The following CC2D2A variants were observed in gnomAD, a reference collection of about 807,000 sequenced individuals.
CC2D2A encodes the protein coiled-coil and C2 domain-containing protein 2A.
CC2D2A carries 155 observed loss-of-function variants against 212.9 expected under a neutral mutation model. The ratio of observed to expected loss-of-function variants is 0.73; its 90% CI spans 0.64 to 0.83. The LOEUF (loss-of-function observed/expected upper bound fraction) is 0.83. Among genes scored for constraint, CC2D2A ranks in the 40% least tolerant of loss-of-function variants. The pLI, the probability that CC2D2A is intolerant of heterozygous loss-of-function variation, is 0.00. For synonymous variants in CC2D2A, 667 were observed against 686.5 expected (o/e 0.97, Z 0.44); for missense variants, 1,856 against 1,956.2 (o/e 0.95, Z 0.97).
intron 4 of CC2D2A, among the ~76,000 whole-genome samples, chr4:15,487,817 G>T (rs1315536834): frequency 1.4e-5 from 2 of 142,878 alleles, no homozygotes; most frequent in Non-Finnish European, 3.0e-5. Flanking sequence ...CCTGTCATAG[G>T]TTTTTGCTCT....
At chr4:15,579,137 T>C (rs139519255) in intron 29 of CC2D2A, among the ~76,000 whole-genome samples, 1 of 152,306 alleles carries the variant, frequency 6.6e-6, no homozygotes, top group East Asian at 1.9e-4. Flanking sequence ...ACATTTGTTC[T>C]GTTTCATCTG....
At position 15,528,740 on chromosome 4, in the gene CC2D2A, G is replaced by A; in HGVS notation, c.1466+14G>A. 6.4e-7 allele frequency: 1 copy of A among 1,572,606 alleles called. No homozygotes were observed. The highest frequency in any genetic ancestry group is 1.1e-5 in the South Asian group (1 of 87,660). On this transcript the variant is annotated intron_variant, in intron 13 of 36. Transcript: ENST00000424120. The stretch of plus-strand genomic sequence containing the variant: ...ATCTGAAATTCGGTGAGTAAAGTTT[G>A]TTAAGTGTAACTACTTTTTTTCCCG...
chr4:15,558,033 C>A (rs1189580493), intron 21 of CC2D2A, among the ~76,000 whole-genome samples: 1 of 152,082 alleles, frequency 6.6e-6, no homozygotes, highest in Non-Finnish European at 1.5e-5. Context: ...GCAGGAGGAA[C>A]AAAGACTCAG....
At chr4:15,596,004 T>C (rs1721302649) in intron 33 of CC2D2A, 81 bp from the exon 34 acceptor site, 2 of 993,338 alleles carry the variant, frequency 2.0e-6, no homozygotes, top group African/African-American at 3.4e-5. Context: ...GCTGCCTCTA[T>C]GCCACACATA....
chr4:15,478,834 C>T (rs748252802), intron 3 of CC2D2A, 28 bp downstream of exon 3: 12 of 1,508,296 alleles, frequency 8.0e-6, no homozygotes, highest in African/African-American at 2.8e-5. Context: ...ACTGTGTCTG[C>T]GTATTGTCAT....
At chr4:15,508,082 G>C (rs1022018003) in intron 6 of CC2D2A, among the ~76,000 whole-genome samples, 16 of 152,138 alleles carry the variant, frequency 1.1e-4, no homozygotes, top group African/African-American at 3.9e-4. Context: ...CATATTTTGG[G>C]CCATCTGTTT....
intron 28 of CC2D2A, among the ~76,000 whole-genome samples, chr4:15,571,751 T>A (rs916654829): frequency 2.0e-5 from 3 of 152,186 alleles, no homozygotes; most frequent in Non-Finnish European, 4.4e-5. Context: ...TAATTTACAT[T>A]TCCTTCTCTG....
chr4:15,527,952 C>T (rs892307455), intron 12 of CC2D2A, among the ~76,000 whole-genome samples: 4 of 152,198 alleles, frequency 2.6e-5, no homozygotes, highest in Admixed American at 1.3e-4. Flanking sequence ...TACTTGCTTC[C>T]GTGATCTCAG....
At position 15,480,784 on chromosome 4, in the gene CC2D2A, C is replaced by G; in HGVS notation, c.204C>G (p.Pro68=). 1 of 1,613,418 alleles carries G rather than the reference C, an allele frequency of 6.2e-7. No homozygotes were observed. The highest frequency in any genetic ancestry group is 8.5e-7 in the Non-Finnish European group (1 of 1,179,644). Residue 68 remains proline (P), a synonymous_variant, in exon 4 of 37, where the codon CCC becomes CCG. Coordinates refer to ENST00000424120, the MANE Select transcript of CC2D2A (RefSeq NM_001378615.1). ...CCCAGGAGCCTGTGCAGGAGGAGCC[C>G]AAGACCCGCCTCCTGAGTATGACAG... is the stretch of plus-strand genomic sequence containing the variant. The part of the protein sequence containing the change: ...GNPQEPVQEE[P]KTRLLSMTVR...
Position 15,515,962 on chromosome 4 carries a change from C to T in CC2D2A, c.975C>T (p.Thr325=). 1 of 1,583,576 alleles carries T rather than the reference C, an allele frequency of 6.3e-7. No individual in the cohort carries two copies. The highest frequency in any genetic ancestry group is 8.6e-7 in the Non-Finnish European group (1 of 1,164,514). The change falls in exon 10 of 37, where the codon ACC becomes ACT. Residue 325 remains threonine (T), a synonymous_variant. Coordinates refer to ENST00000424120, the MANE Select transcript of CC2D2A (RefSeq NM_001378615.1). ...YTGVRPEVAR[T]NQNIMENRLL... The stretch of plus-strand genomic sequence containing the variant: ...GGGTAAGACCAGAGGTGGCACGCAC[C>T]AATCAGAACATCATGGAGAACAGAT...
intron 17 of CC2D2A, among the ~76,000 whole-genome samples, chr4:15,549,399 T>C (rs890380376): frequency 2.0e-5 from 3 of 152,186 alleles, no homozygotes; most frequent in Middle Eastern, 3.2e-3. Flanking sequence ...ACCTGTGCAA[T>C]TTCTGCCTTT....
chr4:15,550,893 A>G lies in CC2D2A; in HGVS notation c.2251A>G (p.Thr751Ala), dbSNP rs942868342. The G allele has an allele frequency of 1.9e-6, 3 of 1,607,248 alleles. No homozygotes were observed. Among genetic ancestry groups the G allele is most frequent in the African/African-American group, 1.3e-5 (1 of 74,896 alleles). ...AEVFLPIPET[T>A]VVTGRAPTEE... ...AGTGTTTCTGCCTATTCCTGAGACT[A>G]CTGTTGTCACTGGAAGGGCTCCTAC... is the stretch of plus-strand genomic sequence containing the variant. Residue 751 changes from threonine to alanine, a missense_variant, in exon 18 of 37, where the codon ACT becomes GCT. Thr to Ala is a moderately conservative substitution (Grantham distance 58). This residue lies in a region of CC2D2A where 1,512 missense variants were observed against 1,579.3 expected (regional missense o/e 0.96). Coordinates refer to ENST00000424120, the MANE Select transcript of CC2D2A (RefSeq NM_001378615.1).
At chr4:15,595,073 C>T (rs1290976214) in intron 33 of CC2D2A, among the ~76,000 whole-genome samples, 2 of 152,270 alleles carry the variant, frequency 1.3e-5, no homozygotes, top group Non-Finnish European at 2.9e-5. Context: ...CTTTGGCCTC[C>T]CAAACTGCTG....
intron 4 of CC2D2A, among the ~76,000 whole-genome samples, chr4:15,493,688 T>G (rs545727778): frequency 2.0e-5 from 3 of 152,228 alleles, no homozygotes; most frequent in African/African-American, 7.2e-5. Flanking sequence ...CAGAACTTAT[T>G]TGTGGTCTAT....
intron 36 of CC2D2A, among the ~76,000 whole-genome samples, chr4:15,600,920 A>AG (rs1721564561): frequency 6.6e-6 from 1 of 151,500 alleles, no homozygotes; most frequent in African/African-American, 2.4e-5. Context: ...AAAAAAAAAA[A>AG]AGAAAAAAGA....
chr4:15,595,331 T>C (rs1721272229), intron 33 of CC2D2A, among the ~76,000 whole-genome samples: 1 of 152,178 alleles, frequency 6.6e-6, no homozygotes. Flanking sequence ...ATAAGGCACA[T>C]AGTGAATGTC....
Position 15,570,406 on chromosome 4 carries a change from T to G in CC2D2A, c.3504T>G (p.Arg1168=). 1 of 1,596,588 alleles carries G rather than the reference T, an allele frequency of 6.3e-7. No individual in the cohort carries two copies. The highest frequency in any genetic ancestry group is 8.6e-7 in the Non-Finnish European group (1 of 1,167,888). Reference sequence around the variant, plus strand: ...TCCCACCCTTCCTTTAGGATGACCGTGAAAGAGGAAGTGGAATCCATACTC... The same window carrying G: ...TCCCACCCTTCCTTTAGGATGACCGGGAAAGAGGAAGTGGAATCCATACTC... ...EVLHDVLEDD[R]ERGSGIHTRI... The change falls in exon 28 of 37, where the codon CGT becomes CGG. Residue 1168 remains arginine (R), a synonymous_variant. Coordinates refer to ENST00000424120, the MANE Select transcript of CC2D2A (RefSeq NM_001378615.1).
At position 15,569,374 on chromosome 4, in the gene CC2D2A, G is replaced by A. The variant is rs771914973; in HGVS notation, c.3480G>A (p.Leu1160=). The part of the protein sequence containing the change: ...VVFINIFDEV[L]HDVLEDDRER... ...TCATTAACATTTTTGATGAAGTACT[G>A]CATGATGTCTTAGAGGTAAGTTCTC... is the stretch of plus-strand genomic sequence containing the variant. The change falls in exon 27 of 37, where the codon CTG becomes CTA. Residue 1160 remains leucine (L), a synonymous_variant. Coordinates refer to ENST00000424120, the MANE Select transcript of CC2D2A (RefSeq NM_001378615.1). 3.2e-6 allele frequency: 5 copies of A among 1,565,056 alleles called. No individual in the cohort carries two copies. The highest frequency in any genetic ancestry group is 1.3e-5 in the African/African-American group (1 of 74,194).
chr4:15,510,855 AG>A, intron 7 of CC2D2A, among the ~76,000 whole-genome samples: 1 of 152,340 alleles, frequency 6.6e-6, no homozygotes, highest in African/African-American at 2.4e-5. Context: ...CAACAAAAAA[AG>A]GTCATTTGTT....
Sources: allele counts gnomAD v4.1 joint callset (sites outside exome capture counted in the v4.1 genomes callset), GRCh38; gene constraint gnomAD v4.1.1; regional missense constraint gnomAD v4.1.1; transcripts MANE v1.5; gene names NCBI Gene and HGNC (gene_info 2026-07-23, HGNC 2026-07-21).